Variants in MSRA observed in about 807,000 individuals in gnomAD.
MSRA encodes methionine sulfoxide reductase A, also known as mitochondrial peptide methionine sulfoxide reductase.
A neutral mutation model predicts 31.3 loss-of-function variants in MSRA; 54 were observed. The ratio of observed to expected loss-of-function variants is 1.73; its 90% CI spans 1.39 to 2.17. The LOEUF (loss-of-function observed/expected upper bound fraction) is 2.17, where lower values mean the gene tolerates loss of function less well. Among genes scored for constraint, MSRA ranks in the 30% most tolerant of loss-of-function variants. The pLI, the probability that MSRA is intolerant of heterozygous loss-of-function variation, is 0.00. For synonymous variants in MSRA, 169 were observed against 116.5 expected, an observed-to-expected ratio of 1.45 and a Z score of -2.90; for missense variants, 507 against 300.9, an observed-to-expected ratio of 1.69 and a Z score of -5.07.
At chr8:10,070,989 G>A (rs1180952918) in intron 1 of MSRA, among the ~76,000 whole-genome samples, 3 of 152,176 alleles carry the variant, frequency 2.0e-5, no homozygotes, top group Non-Finnish European at 4.4e-5. Context: ...GTGAACATAA[G>A]TTTTCATTTA....
At chr8:10,074,949 A>G (rs1366446617) in intron 1 of MSRA, among the ~76,000 whole-genome samples, 1 of 152,004 alleles carries the variant, frequency 6.6e-6, no homozygotes, top group Admixed American at 6.5e-5. Flanking sequence ...GTGAGCCACC[A>G]CGCCCGGCAC....
intron 5 of MSRA, among the ~76,000 whole-genome samples, chr8:10,370,660 C>T (rs1805423865): frequency 6.6e-6 from 1 of 152,244 alleles, no homozygotes; most frequent in Non-Finnish European, 1.5e-5. Context: ...TCGGGCCAAC[C>T]ACTTTGCTCT....
chr8:10,226,411 G>T (rs997974555), intron 2 of MSRA, among the ~76,000 whole-genome samples: 4 of 152,120 alleles, frequency 2.6e-5, no homozygotes, highest in Admixed American at 6.5e-5. Context: ...CTTTCATGAA[G>T]ATTTCTTCAT....
intron 1 of MSRA, among the ~76,000 whole-genome samples, chr8:10,110,840 T>TG (rs953976017): frequency 1.3e-5 from 2 of 152,218 alleles, no homozygotes; most frequent in African/African-American, 4.8e-5. Flanking sequence ...TTTCGACACG[T>TG]GGCAGCCTTT....
intron 3 of MSRA, among the ~76,000 whole-genome samples, chr8:10,264,590 G>C (rs1798649254): frequency 1.3e-5 from 2 of 152,186 alleles, no homozygotes; most frequent in African/African-American, 4.8e-5. Context: ...TGGCTGTCGG[G>C]AAGGGCTGAG....
intron 2 of MSRA, among the ~76,000 whole-genome samples, chr8:10,222,476 T>G (rs910596490): frequency 2.6e-5 from 4 of 152,178 alleles, no homozygotes; most frequent in African/African-American, 9.7e-5. Flanking sequence ...AACAAGACTA[T>G]TATATCATTC....
At chr8:10,395,137 G>A (rs981574822) in intron 5 of MSRA, among the ~76,000 whole-genome samples, 8 of 152,318 alleles carry the variant, frequency 5.3e-5, no homozygotes, top group South Asian at 4.1e-4. Flanking sequence ...AGGAGGAAGC[G>A]TTGGAGCCTA....
At chr8:10,092,723 C>T (rs1010043227) in intron 1 of MSRA, among the ~76,000 whole-genome samples, 3 of 151,736 alleles carry the variant, frequency 2.0e-5, no homozygotes. Flanking sequence ...TAGTGTTGGT[C>T]AAGTTTTCTG....
rs143995888 is a variant in MSRA at position 10,116,301 on chromosome 8, T to C, written c.142+61643T>C. 8.1e-3 allele frequency among the ~76,000 whole-genome samples: 1,227 copies of C among 152,336 alleles called. 38 individuals carry two copies. The highest frequency in any genetic ancestry group is 5.4e-3 in the Non-Finnish European group (369 of 68,026). On this transcript the variant is annotated intron_variant, in intron 1 of 5. Transcript: ENST00000317173. The stretch of plus-strand genomic sequence containing the variant: ...CATTAGCTATCGTTAGTGTATTTTA[T>C]ATGTGGCCCAAGGCAGTTCTTCTTC...
At chr8:10,231,405 T>A (rs939311802) in intron 2 of MSRA, among the ~76,000 whole-genome samples, 17 of 152,180 alleles carry the variant, frequency 1.1e-4, no homozygotes, top group Non-Finnish European at 2.9e-5. Context: ...ACAGAAGATA[T>A]TGGCTTGGTA....
At chr8:10,130,911 G>T (rs544840118) in intron 1 of MSRA, among the ~76,000 whole-genome samples, 1 of 152,190 alleles carries the variant, frequency 6.6e-6, no homozygotes, top group Non-Finnish European at 1.5e-5. Flanking sequence ...AGATGCTAAA[G>T]CCAGGATATA....
intron 5 of MSRA, among the ~76,000 whole-genome samples, chr8:10,365,300 G>A (rs1301083131): frequency 6.6e-6 from 1 of 152,046 alleles, no homozygotes; most frequent in East Asian, 1.9e-4. Flanking sequence ...GGTTTCCAAT[G>A]GAGCCGCATT....
chr8:10,392,890 CA>C (rs869085304), intron 5 of MSRA, among the ~76,000 whole-genome samples: 18 of 113,270 alleles, frequency 1.6e-4, no homozygotes, highest in African/African-American at 7.1e-4. Flanking sequence ...ACTAAAAATG[CA>C]AAAAAAAAAA....
chr8:10,239,010 G>A (rs1207447688), intron 2 of MSRA, among the ~76,000 whole-genome samples: 1 of 152,050 alleles, frequency 6.6e-6, no homozygotes, highest in Non-Finnish European at 1.5e-5. Flanking sequence ...GCAAAAAATA[G>A]CATTCAAAAC....
At chr8:10,361,032 A>C (rs1318359384) in intron 5 of MSRA, among the ~76,000 whole-genome samples, 1 of 152,206 alleles carries the variant, frequency 6.6e-6, no homozygotes. Context: ...AAACAGCCTC[A>C]CCTTGGCTGA....
chr8:10,191,816 T>A (rs1807535135), intron 1 of MSRA, among the ~76,000 whole-genome samples: 1 of 152,226 alleles, frequency 6.6e-6, no homozygotes, highest in African/African-American at 2.4e-5. Flanking sequence ...TATTTTTCTT[T>A]TATTAGAACA....
intron 1 of MSRA, among the ~76,000 whole-genome samples, chr8:10,097,490 G>GTTTGTTT (rs1232974929): frequency 8.2e-4 from 125 of 152,178 alleles, no homozygotes; most frequent in African/African-American, 2.8e-3. Context: ...AACAATATAT[G>GTTTGTTT]AAACAAAAAG....
chr8:10,109,321 T>G (rs1800110756), intron 1 of MSRA, among the ~76,000 whole-genome samples: 1 of 151,816 alleles, frequency 6.6e-6, no homozygotes, highest in Admixed American at 6.6e-5. Context: ...ATGCTTTCTT[T>G]TTTTACTTTT....
At chr8:10,391,706 G>C (rs571655156) in intron 5 of MSRA, among the ~76,000 whole-genome samples, 3 of 152,276 alleles carry the variant, frequency 2.0e-5, no homozygotes, top group African/African-American at 7.2e-5. Flanking sequence ...ACGCCTAACA[G>C]CTCTGCCACC....
Sources: gnomAD v4.1 joint callset for allele counts (sites outside exome capture counted in the v4.1 genomes callset) on GRCh38, gnomAD v4.1.1 for gene constraint, MANE v1.5 for transcripts, NCBI Gene and HGNC (gene_info 2026-07-23, HGNC 2026-07-21) for gene names.